Variants in CCNJ observed in about 807,000 individuals in gnomAD.
CCNJ encodes the protein cyclin J, also known as cyclin-J.
In CCNJ, 12 loss-of-function variants were observed where a neutral mutation model predicts 41.4. The ratio of observed to expected loss-of-function variants is 0.29; its 90% confidence interval spans 0.19 to 0.47. CCNJ has a LOEUF of 0.47. Ranked by LOEUF, CCNJ falls within the 20% of genes least tolerant of loss-of-function variation. The probability of loss-of-function intolerance (pLI) is 1.00; values close to 1 mark genes in which losing one functional copy is unlikely to be tolerated. For synonymous variants in CCNJ, 161 were observed against 173.4 expected (o/e 0.93, Z 0.56); for missense variants, 340 against 464.6 (o/e 0.73, Z 2.47).
At chr10:96,055,913 GTCTC>G (rs1350860875) in intron 3 of CCNJ, among the ~76,000 whole-genome samples, 6 of 152,128 alleles carry the variant, frequency 3.9e-5, no homozygotes. Context: ...TTTCCCTCCA[GTCTC>G]TCTCTGGAAT....
rs1473639851 is a variant in CCNJ at position 96,059,377 on chromosome 10, G to A, written c.*1136G>A. On this transcript the variant is annotated 3_prime_UTR_variant, in exon 6 of 6. Coordinates refer to ENST00000465148, the MANE Select transcript of CCNJ (RefSeq NM_001134375.2). The stretch of plus-strand genomic sequence containing the variant: ...GCTCTAGTCAGTCTAAGCAGGCAAA[G>A]GTAACTGATGACTAAATTTCAGTAG... 6.6e-6 allele frequency: 1 copy of A among 152,626 alleles called. No individual in the cohort carries two copies. The highest frequency in any genetic ancestry group is 1.5e-5 in the Non-Finnish European group (1 of 68,046). The allele number at this position is 152,626 out of a possible 1,614,324, so 9.5% of individuals were successfully genotyped here. A position where few individuals can be genotyped will look rare whatever the true frequency, so the allele number is the denominator to read the frequency against.
chr10:96,060,670 G>A lies in CCNJ; in HGVS notation c.*2429G>A, dbSNP rs955728939. 3 of 144,642 alleles carry A rather than the reference G, an allele frequency of 2.1e-5. No homozygotes were observed. Among genetic ancestry groups the A allele is most frequent in the Non-Finnish European group, 4.5e-5 (3 of 66,588 alleles). 9.0% of individuals were successfully genotyped at this position (144,642 alleles called of 1,614,324 possible). On this transcript the variant is annotated 3_prime_UTR_variant, in exon 6 of 6. Transcript: ENST00000465148. ...AGAATACTGGACCATCATTAAATGT[G>A]TACTGTGAAGAGATTAATATGTATG...
Position 96,043,792 on chromosome 10 carries a change from G to A in CCNJ, c.-42+73G>A, listed in dbSNP as rs1305962964. The A allele has an allele frequency of 1.0e-5, 4 of 386,174 alleles. No individual in the cohort carries two copies. The East Asian group carries it at 1.5e-4, about 14-fold the overall frequency. The allele number at this position is 386,174 out of a possible 1,614,324, so 23.9% of individuals were successfully genotyped here. On this transcript the variant is annotated intron_variant, in intron 1 of 5. Transcript: ENST00000465148. Reference sequence around the variant, plus strand: ...GCGTGGGGCAGCGGACCCTCCCGGGGTGAGGCGCAGAGCCTGGCTGGCCCG... The same window carrying A: ...GCGTGGGGCAGCGGACCCTCCCGGGATGAGGCGCAGAGCCTGGCTGGCCCG...
At chr10:96,049,481 C>CTTTTTTTTTTTTTTTTTTTTTTT (rs150769179) in intron 2 of CCNJ, among the ~76,000 whole-genome samples, 1 of 108,312 alleles carries the variant, frequency 9.2e-6, no homozygotes, top group Non-Finnish European at 1.9e-5. Flanking sequence ...TTTTCTTTTT[C>CTTTTTTTTTTTTTTTTTTTTTTT]TTTTTTTTTT....
intron 2 of CCNJ, among the ~76,000 whole-genome samples, chr10:96,044,970 G>C (rs1340238299): frequency 6.6e-6 from 1 of 151,734 alleles, no homozygotes; most frequent in Non-Finnish European, 1.5e-5. Flanking sequence ...TGAAACTTAA[G>C]TTAGTACCGT....
intron 2 of CCNJ, among the ~76,000 whole-genome samples, chr10:96,049,881 G>A (rs541467758): frequency 5.3e-5 from 8 of 152,232 alleles, no homozygotes; most frequent in African/African-American, 1.9e-4. Flanking sequence ...AAAGTTCTGA[G>A]CATCTTGGAG....
chr10:96,057,056 GT>G, intron 4 of CCNJ, 31 bp from the exon 5 acceptor site: 6 of 1,613,706 alleles, frequency 3.7e-6, no homozygotes, highest in Non-Finnish European at 4.2e-6. Flanking sequence ...CGTGTATTCT[GT>G]TCCTTAAGTT....
intron 2 of CCNJ, among the ~76,000 whole-genome samples, chr10:96,047,037 C>T (rs1297884137): frequency 2.0e-5 from 3 of 152,192 alleles, no homozygotes; most frequent in African/African-American, 7.2e-5. Context: ...TTTTCCCCAA[C>T]TCCCTAATCC....
At chr10:96,052,177 A>G (rs1176955916) in intron 3 of CCNJ, among the ~76,000 whole-genome samples, 1 of 152,216 alleles carries the variant, frequency 6.6e-6, no homozygotes, top group Non-Finnish European at 1.5e-5. Flanking sequence ...TTTCATGCTC[A>G]TAAGTAATCA....
In CCNJ at chr10:96,044,435, C is replaced by T. The variant is rs1411309784; in HGVS notation, c.42C>T (p.Ala14=). 2 of 1,559,378 alleles carry T rather than the reference C, an allele frequency of 1.3e-6. No individual in the cohort carries two copies. The highest frequency in any genetic ancestry group is 2.3e-5 in the South Asian group (2 of 85,226). Residue 14 remains alanine, a synonymous_variant, in exon 2 of 6, where the codon GCC becomes GCT. Transcript: ENST00000465148. ...EGQWWRGQLA[A]DIHQALRYKE... ...AGTGGTGGCGAGGACAGCTGGCCGCCGATATTCACCAAGCGCTTCGCTACA... is the reference window on the plus strand; with the variant it reads ...AGTGGTGGCGAGGACAGCTGGCCGCTGATATTCACCAAGCGCTTCGCTACA...
At chr10:96,055,476 A>C (rs1229890746) in intron 3 of CCNJ, among the ~76,000 whole-genome samples, 2 of 152,342 alleles carry the variant, frequency 1.3e-5, no homozygotes, top group Admixed American at 6.5e-5. Context: ...CATCTGGAAA[A>C]TCATAGTAGT....
chr10:96,059,972 T>C lies in CCNJ; in HGVS notation c.*1731T>C, dbSNP rs2080783146. 1 of 152,642 alleles carries C rather than the reference T, an allele frequency of 6.6e-6. No homozygotes were observed. Among genetic ancestry groups the C allele is most frequent in the South Asian group, 2.1e-4 (1 of 4,834 alleles). 9.5% of individuals were successfully genotyped at this position (152,642 alleles called of 1,614,324 possible). On this transcript the variant is annotated 3_prime_UTR_variant, in exon 6 of 6. Coordinates refer to ENST00000465148, the MANE Select transcript of CCNJ (RefSeq NM_001134375.2). The stretch of plus-strand genomic sequence containing the variant: ...GCATGATGTGGATTTATTAGTCTGG[T>C]AGATAAAATGAAAAACCACTCAGGT...
At chr10:96,044,302 A>C (rs1425815704) in intron 1 of CCNJ, 51 bp from the exon 2 acceptor site, 2 of 1,049,892 alleles carry the variant, frequency 1.9e-6, no homozygotes, top group Admixed American at 3.1e-5. Flanking sequence ...GAGGGGGCGC[A>C]GAGGGTCGCG....
chr10:96,054,363 C>T (rs1396591898), intron 3 of CCNJ, among the ~76,000 whole-genome samples: 1 of 152,182 alleles, frequency 6.6e-6, no homozygotes, highest in African/African-American at 2.4e-5. Context: ...AATGCAGGTA[C>T]TCAATTGACA....
chr10:96,057,328 A>T, intron 5 of CCNJ, 81 bp downstream of exon 5: 1 of 1,217,504 alleles, frequency 8.2e-7, no homozygotes, highest in Non-Finnish European at 1.2e-6. Context: ...ACAGCTTCTG[A>T]AAGGCACAGA....
At chr10:96,044,062 C>G (rs112538640) in intron 1 of CCNJ, among the ~76,000 whole-genome samples, 1 of 152,334 alleles carries the variant, frequency 6.6e-6, no homozygotes, top group African/African-American at 2.4e-5. Flanking sequence ...CCCAGCTCTT[C>G]CCGAGCTCGC....
intron 3 of CCNJ, among the ~76,000 whole-genome samples, chr10:96,056,194 A>C (rs1418532023): frequency 2.6e-5 from 4 of 152,020 alleles, no homozygotes; most frequent in Non-Finnish European, 5.9e-5. Context: ...CTGTAGTCCC[A>C]GCTACTCGGG....
In CCNJ at chr10:96,059,445, C is replaced by T. The variant is rs2080772514; in HGVS notation, c.*1204C>T. On this transcript the variant is annotated 3_prime_UTR_variant, in exon 6 of 6. Coordinates refer to ENST00000465148, the MANE Select transcript of CCNJ (RefSeq NM_001134375.2). ...ACCCTACAACTGCCCTGGGACATTTCACTGTACCAGTATTAACTGCAAACA... is the reference window on the plus strand; with the variant it reads ...ACCCTACAACTGCCCTGGGACATTTTACTGTACCAGTATTAACTGCAAACA... The T allele has an allele frequency of 6.6e-6, 1 of 152,596 alleles. No individual in the cohort carries two copies. Among genetic ancestry groups the T allele is most frequent in the South Asian group, 2.1e-4 (1 of 4,830 alleles). The allele number at this position is 152,596 out of a possible 1,614,324, so 9.5% of individuals were successfully genotyped here.
At chr10:96,057,715 G>A in intron 5 of CCNJ, 115 bp from the exon 6 acceptor site, 1 of 862,560 alleles carries the variant, frequency 1.2e-6, no homozygotes, top group Non-Finnish European at 1.8e-6. Context: ...TGCAGTGACT[G>A]CTACCTGGGT....
Sources: allele counts gnomAD v4.1 joint callset (sites outside exome capture counted in the v4.1 genomes callset), GRCh38; gene constraint gnomAD v4.1.1; transcripts MANE v1.5; gene names NCBI Gene and HGNC (gene_info 2026-07-23, HGNC 2026-07-21).